The following FAM184B variants were observed in gnomAD, a reference collection of about 807,000 sequenced individuals.
FAM184B encodes the protein family with sequence similarity 184 member B.
Under a neutral mutation model 135.9 loss-of-function variants are expected in FAM184B, and 111 were observed. The observed-to-expected ratio is 0.82, with a 90% confidence interval of 0.70 to 0.96. The LOEUF (loss-of-function observed/expected upper bound fraction) is 0.96. Among genes scored for constraint, FAM184B ranks in the 40% least tolerant of loss-of-function variants. The pLI, the probability that FAM184B is intolerant of heterozygous loss-of-function variation, is 0.00. For synonymous variants in FAM184B, 552 were observed against 524.8 expected, an observed-to-expected ratio of 1.05 and a Z score of -0.71; for missense variants, 1,375 against 1,323.9, an observed-to-expected ratio of 1.04 and a Z score of -0.60.
chr4:17,757,796 A>G (rs1292706125), intron 1 of FAM184B, among the ~76,000 whole-genome samples: 3 of 151,826 alleles, frequency 2.0e-5, no homozygotes, highest in African/African-American at 7.3e-5. Context: ...GAATTTGTAT[A>G]ACTGGAATCA....
chr4:17,681,523 G>T lies in FAM184B; in HGVS notation c.1596+6901C>A, dbSNP rs183523235. ...CAATTCACACCAACCAAGGGTGCTG[G>T]CTCCCAATTGGCCTGAGGGACACTC... On this transcript the variant is annotated intron_variant, in intron 7 of 17. Coordinates refer to ENST00000265018, the MANE Select transcript of FAM184B (RefSeq NM_015688.2). Among the ~76,000 whole-genome samples, 11 of 152,286 alleles carry T rather than the reference G, an allele frequency of 7.2e-5. No individual in the cohort carries two copies. In the East Asian group the frequency reaches 2.1e-3, roughly 29 times the overall value.
intron 1 of FAM184B, among the ~76,000 whole-genome samples, chr4:17,721,406 A>AAAAAAAAAAAAAAAAAAC (rs1560185395): frequency 2.1e-5 from 3 of 143,300 alleles, no homozygotes; most frequent in Non-Finnish European, 1.5e-5. Context: ...AAAAAAAAAA[A>AAAAAAAAAAAAAAAAAAC]TCTCTTTGCC....
At chr4:17,721,403 A>AAAAAAAAAAAAAAAAAAACAAAG (rs1332906399) in intron 1 of FAM184B, among the ~76,000 whole-genome samples, 1 of 150,274 alleles carries the variant, frequency 6.7e-6, no homozygotes, top group Non-Finnish European at 1.5e-5. Flanking sequence ...AAAAAAAAAA[A>AAAAAAAAAAAAAAAAAAACAAAG]AAATCTCTTT....
chr4:17,726,476 ACT>A (rs1717640881), intron 1 of FAM184B, among the ~76,000 whole-genome samples: 1 of 151,168 alleles, frequency 6.6e-6, no homozygotes, highest in Admixed American at 6.6e-5. Flanking sequence ...GGTTCAAGTG[ACT>A]CTTGTGCCTC....
chr4:17,708,265 C>T (rs1382576587), intron 2 of FAM184B, among the ~76,000 whole-genome samples: 1 of 152,136 alleles, frequency 6.6e-6, no homozygotes, highest in African/African-American at 2.4e-5. Flanking sequence ...TGTAGGTTTC[C>T]AAGTTCTCCA....
At chr4:17,658,783 A>T (rs1419320875) in intron 9 of FAM184B, among the ~76,000 whole-genome samples, 1 of 152,172 alleles carries the variant, frequency 6.6e-6, no homozygotes, top group Non-Finnish European at 1.5e-5. Flanking sequence ...GGGTGGGGAC[A>T]TCAACCTTTC....
intron 1 of FAM184B, among the ~76,000 whole-genome samples, chr4:17,780,066 G>A (rs567308354): frequency 2.0e-4 from 31 of 152,276 alleles, no homozygotes; most frequent in African/African-American, 6.7e-4. Flanking sequence ...ACAGGCTCAC[G>A]TGCAAAGAAT....
chr4:17,725,559 C>G (rs954697947), intron 1 of FAM184B, among the ~76,000 whole-genome samples: 8 of 152,158 alleles, frequency 5.3e-5, no homozygotes, highest in Non-Finnish European at 1.2e-4. Context: ...GTCACGCACA[C>G]TCCTATTAGC....
At chr4:17,651,411 G>A (rs960430272) in intron 11 of FAM184B, among the ~76,000 whole-genome samples, 7 of 151,654 alleles carry the variant, frequency 4.6e-5, no homozygotes, top group African/African-American at 7.3e-5. Context: ...GGTGGCGGGC[G>A]CCTGTAGTCC....
At chr4:17,723,152 A>T (rs937429136) in intron 1 of FAM184B, among the ~76,000 whole-genome samples, 5 of 152,344 alleles carry the variant, frequency 3.3e-5, no homozygotes, top group African/African-American at 1.2e-4. Context: ...TTTCCAGTTC[A>T]CCAAGCAACT....
In FAM184B at chr4:17,635,079, C is replaced by T. The variant is rs1200179578; in HGVS notation, c.2819G>A (p.Ser940Asn). 2.6e-6 allele frequency: 4 copies of T among 1,551,600 alleles called. No homozygotes were observed. The African/African-American group carries it at 4.1e-5, about 16-fold the overall frequency. The change falls in exon 16 of 18, where the codon AGT (serine) becomes AAT (asparagine). Residue 940 changes from serine to asparagine, a missense_variant. Transcript: ENST00000265018. ...ERRFHYAAFP[S>N]AMSHRNRSFS... is the part of the protein sequence containing the mutation. Reference sequence around the variant, plus strand: ...AGACCGATTCCGGTGGGACATGGCACTGGGGAATGCTGCGTAGTGAAATCT... The same window carrying T: ...AGACCGATTCCGGTGGGACATGGCATTGGGGAATGCTGCGTAGTGAAATCT...
intron 1 of FAM184B, among the ~76,000 whole-genome samples, chr4:17,775,387 A>G (rs1303132859): frequency 6.6e-6 from 1 of 152,026 alleles, no homozygotes; most frequent in Admixed American, 6.6e-5. Context: ...GGGTTTCACC[A>G]TGTTAGCCAG....
chr4:17,731,455 T>C (rs1261896394), intron 1 of FAM184B, among the ~76,000 whole-genome samples: 1 of 152,036 alleles, frequency 6.6e-6, no homozygotes, highest in Non-Finnish European at 1.5e-5. Context: ...GAGACACACA[T>C]AGGCTCAAAA....
intron 1 of FAM184B, 84 bp from the exon 2 acceptor site, chr4:17,709,728 A>G: frequency 7.9e-7 from 1 of 1,269,928 alleles, no homozygotes; most frequent in Non-Finnish European, 1.0e-6. Context: ...ATTCTCCTGC[A>G]TGGCGGTTGA....
chr4:17,736,190 G>A (rs1194179977), intron 1 of FAM184B, among the ~76,000 whole-genome samples: 3 of 152,236 alleles, frequency 2.0e-5, no homozygotes, highest in African/African-American at 7.2e-5. Flanking sequence ...GTGAAGCTGG[G>A]TAATATGCCT....
In FAM184B at chr4:17,635,046, A is replaced by G. The variant is rs1238303195; in HGVS notation, c.2852T>C (p.Phe951Ser). The G allele has an allele frequency of 1.3e-6, 2 of 1,551,930 alleles. No homozygotes were observed. The highest frequency in any genetic ancestry group is 4.9e-5 in the East Asian group (2 of 40,918). Residue 951 changes from phenylalanine to serine, a missense_variant, in exon 16 of 18, where the codon TTC (phenylalanine) becomes TCC (serine). Phe to Ser is a radical substitution (Grantham distance 155, BLOSUM62 -2). Transcript: ENST00000265018. ...AMSHRNRSFS[F>S]NPHPGYLTPS... The stretch of plus-strand genomic sequence containing the variant: ...GGTCAAATATCCCGGGTGAGGATTG[A>G]AAGAGAAAGACCGATTCCGGTGGGA...
chr4:17,641,334 A>G (rs1489627123), intron 13 of FAM184B, among the ~76,000 whole-genome samples: 4 of 152,162 alleles, frequency 2.6e-5, no homozygotes, highest in African/African-American at 9.7e-5. Context: ...CAGCTAGTTA[A>G]GAAGACACCG....
chr4:17,710,047 C>T (rs1422273702), intron 1 of FAM184B, among the ~76,000 whole-genome samples: 2 of 152,154 alleles, frequency 1.3e-5, no homozygotes, highest in Non-Finnish European at 2.9e-5. Flanking sequence ...GGACCCAGGC[C>T]AGGTGCGGTG....
chr4:17,717,814 T>TCTGTTGAG (rs900596075), intron 1 of FAM184B, among the ~76,000 whole-genome samples: 3 of 151,896 alleles, frequency 2.0e-5, no homozygotes, highest in African/African-American at 7.3e-5. Flanking sequence ...GGACATAATA[T>TCTGTTGAG]CTGTTGAGGG....
Sources: allele counts gnomAD v4.1 joint callset (sites outside exome capture counted in the v4.1 genomes callset), GRCh38; gene constraint gnomAD v4.1.1; transcripts MANE v1.5; gene names NCBI Gene and HGNC (gene_info 2026-07-23, HGNC 2026-07-21).